The following KATNIP variants were observed in gnomAD, a reference collection of about 807,000 sequenced individuals.
The protein encoded by KATNIP is katanin interacting protein.
In KATNIP, 126 loss-of-function variants were observed where a neutral mutation model predicts 174.0. The ratio of observed to expected loss-of-function variants is 0.72; its 90% CI spans 0.63 to 0.84. The LOEUF is 0.84. Among genes scored for constraint, KATNIP ranks in the 40% least tolerant of loss-of-function variants. The pLI is 0.00. For missense variants in KATNIP, 1,958 were observed against 2,109.7 expected, an observed-to-expected ratio of 0.93 and a Z score of 1.41; for synonymous variants, 810 against 835.7, an observed-to-expected ratio of 0.97 and a Z score of 0.53.
chr16:27,738,678 C>T (rs191321989), intron 14 of KATNIP, among the ~76,000 whole-genome samples: 4 of 152,182 alleles, frequency 2.6e-5, no homozygotes, highest in African/African-American at 7.2e-5. Context: ...TTCTGCACCC[C>T]GTCGTGTGAA....
intron 13 of KATNIP, among the ~76,000 whole-genome samples, chr16:27,715,000 T>C (rs2079862912): frequency 6.6e-6 from 1 of 152,226 alleles, no homozygotes; most frequent in African/African-American, 2.4e-5. Flanking sequence ...TAAAACATTA[T>C]TGAAAAAGAA....
At position 27,684,905 on chromosome 16, in the gene KATNIP, G is replaced by A. The variant is rs564427162; in HGVS notation, c.940+3375G>A. On this transcript the variant is annotated intron_variant, in intron 8 of 27. Transcript: ENST00000261588. ...CACCCTATTTCCAAATAAGGTCACA[G>A]TCACAGGTACTAGGGGTTAGGGCCT... is the stretch of plus-strand genomic sequence containing the variant. Among the ~76,000 whole-genome samples the A allele has an allele frequency of 1.6e-4, 25 of 152,312 alleles. No homozygotes were observed. The South Asian group carries it at 5.2e-3, about 32-fold the overall frequency.
At chr16:27,743,181 A>T (rs1337580621) in intron 15 of KATNIP, among the ~76,000 whole-genome samples, 2 of 152,240 alleles carry the variant, frequency 1.3e-5, no homozygotes, top group Non-Finnish European at 2.9e-5. Flanking sequence ...CCTGCAAAGG[A>T]CATGATATTG....
intron 5 of KATNIP, among the ~76,000 whole-genome samples, chr16:27,644,001 A>G (rs923608426): frequency 6.8e-6 from 1 of 146,182 alleles, no homozygotes; most frequent in African/African-American, 2.5e-5. Context: ...TCCCTAGTCC[A>G]TCTTCCAGAG....
In KATNIP at chr16:27,699,536, T is replaced by C; in HGVS notation, c.1116T>C (p.Asp372=). The C allele has an allele frequency of 6.2e-7, 1 of 1,614,166 alleles. No individual in the cohort carries two copies. Among genetic ancestry groups the C allele is most frequent in the Non-Finnish European group, 8.5e-7 (1 of 1,179,976 alleles). ...ATCATGTGATCACATCCTTCCAGGA[T>C]GCAGAAGGACCACCAGCAAAACCAT... ...KAEQPASPLQ[D]AEGPPAKPWT... Residue 372 remains aspartate (D), a splice_region_variant and synonymous_variant, in exon 10 of 28, where the codon GAT becomes GAC. Coordinates refer to ENST00000261588, the MANE Select transcript of KATNIP (RefSeq NM_015202.5).
chr16:27,680,320 A>G (rs12917951), intron 7 of KATNIP, among the ~76,000 whole-genome samples: 26,437 of 152,064 alleles, frequency 0.17, 2,551 homozygotes, highest in African/African-American at 0.26. Flanking sequence ...GCCTGCAGAC[A>G]GCATGGCTGC....
At chr16:27,597,415 T>C (rs1371764922) in intron 2 of KATNIP, among the ~76,000 whole-genome samples, 4 of 142,202 alleles carry the variant, frequency 2.8e-5, no homozygotes, top group South Asian at 2.2e-4. Context: ...TTTTTTTTTT[T>C]TTTTTTTTTT....
rs144194992 is a variant in KATNIP at position 27,676,367 on chromosome 16, A to G, written c.541-1362A>G. ...CTCACCAGTGGTGCCTGTAACATCT[A>G]TATTTCTATCATCGGTCTGTATAGG... On this transcript the variant is annotated intron_variant, in intron 6 of 27. Transcript: ENST00000261588. Among the ~76,000 whole-genome samples the G allele has an allele frequency of 5.7e-4, 87 of 152,278 alleles. 1 individual carries two copies. Among genetic ancestry groups the G allele is most frequent in the African/African-American group, 1.8e-3 (74 of 41,558 alleles).
At chr16:27,578,683 T>C (rs1316014489) in intron 2 of KATNIP, among the ~76,000 whole-genome samples, 1 of 152,206 alleles carries the variant, frequency 6.6e-6, no homozygotes, top group Non-Finnish European at 1.5e-5. Flanking sequence ...GTTTAAGTGA[T>C]CCTTCTGCCT....
At chr16:27,712,915 C>T (rs116160101) in intron 13 of KATNIP, among the ~76,000 whole-genome samples, 1 of 152,100 alleles carries the variant, frequency 6.6e-6, no homozygotes, top group African/African-American at 2.4e-5. Context: ...AAGCCACCCC[C>T]CAACCTCAGC....
chr16:27,621,689 G>A (rs754750087), intron 3 of KATNIP, among the ~76,000 whole-genome samples: 20 of 151,522 alleles, frequency 1.3e-4, no homozygotes, highest in Non-Finnish European at 1.8e-4. Flanking sequence ...GCCGCCATCT[G>A]CTTGGCTTCT....
At chr16:27,550,297 G>T (rs540583067) in intron 1 of KATNIP, 120 bp downstream of exon 1, 3 of 1,178,238 alleles carry the variant, frequency 2.5e-6, no homozygotes, top group Non-Finnish European at 3.6e-6. Context: ...ACCCAAGGGG[G>T]TCTCCGAAAT....
chr16:27,657,616 CAAAA>C (rs201172653), intron 6 of KATNIP, among the ~76,000 whole-genome samples: 2 of 145,670 alleles, frequency 1.4e-5, no homozygotes, highest in African/African-American at 2.5e-5. Context: ...ACAAAACAAA[CAAAA>C]AAAAAACAAG....
At chr16:27,736,653 G>A (rs765616252) in intron 14 of KATNIP, among the ~76,000 whole-genome samples, 3 of 152,182 alleles carry the variant, frequency 2.0e-5, no homozygotes, top group Non-Finnish European at 2.9e-5. Flanking sequence ...GAGTCAGAGA[G>A]GTCAGCAGGC....
At chr16:27,748,175 G>A (rs1212663450) in intron 15 of KATNIP, among the ~76,000 whole-genome samples, 2 of 152,228 alleles carry the variant, frequency 1.3e-5, no homozygotes, top group African/African-American at 4.8e-5. Context: ...GGAGCGTGGG[G>A]CCTTCAGATC....
chr16:27,701,128 G>C (rs924209909), intron 10 of KATNIP, among the ~76,000 whole-genome samples: 2 of 152,108 alleles, frequency 1.3e-5, no homozygotes, highest in Non-Finnish European at 2.9e-5. Flanking sequence ...AGCAGAACAG[G>C]GGCTTGGTTG....
intron 15 of KATNIP, among the ~76,000 whole-genome samples, chr16:27,747,709 A>G (rs1452414300): frequency 6.6e-6 from 1 of 151,466 alleles, no homozygotes; most frequent in Non-Finnish European, 1.5e-5. Context: ...GAGTGAGCAA[A>G]ACAATCCCAC....
chr16:27,646,651 A>G (rs544448944), intron 5 of KATNIP, among the ~76,000 whole-genome samples: 9 of 152,216 alleles, frequency 5.9e-5, no homozygotes, highest in African/African-American at 1.7e-4. Context: ...CTGTGCAGCA[A>G]TCAGGGCAAG....
At chr16:27,671,452 C>T (rs753109750) in intron 6 of KATNIP, among the ~76,000 whole-genome samples, 15 of 152,150 alleles carry the variant, frequency 9.9e-5, no homozygotes, top group African/African-American at 3.1e-4. Context: ...ATATTTAATC[C>T]GTCTCTCATT....
Sources: gnomAD v4.1 joint callset for allele counts (sites outside exome capture counted in the v4.1 genomes callset) on GRCh38, gnomAD v4.1.1 for gene constraint, MANE v1.5 for transcripts, NCBI Gene and HGNC (gene_info 2026-07-23, HGNC 2026-07-21) for gene names.